CDC20B: variants seen among roughly 807,000 people sequenced by gnomAD.
The protein encoded by CDC20B is cell division cycle 20B, also known as cell division cycle protein 20 homolog B.
CDC20B carries 58 observed loss-of-function variants against 64.1 expected under a neutral mutation model. That is an observed-to-expected ratio of 0.90 (90% CI 0.73 to 1.13). The LOEUF (loss-of-function observed/expected upper bound fraction) is 1.13. Ranked by LOEUF, CDC20B falls within the 50% of genes most tolerant of loss-of-function variation. The probability of loss-of-function intolerance (pLI) is 0.00; values close to 1 mark genes in which losing one functional copy is unlikely to be tolerated. For missense variants in CDC20B, 597 were observed against 633.0 expected, an observed-to-expected ratio of 0.94 and a Z score of 0.61; for synonymous variants, 243 against 230.6, an observed-to-expected ratio of 1.05 and a Z score of -0.49.
intron 11 of CDC20B, among the ~76,000 whole-genome samples, 199 bp downstream of exon 11, chr5:55,119,602 A>G (rs1159229251): frequency 6.6e-6 from 1 of 152,216 alleles, no homozygotes; most frequent in Non-Finnish European, 1.5e-5. Flanking sequence ...CTTAATTTAA[A>G]GTGATGAACA....
chr5:55,163,497 C>A (rs919824496), intron 2 of CDC20B, among the ~76,000 whole-genome samples: 1 of 151,934 alleles, frequency 6.6e-6, no homozygotes, highest in Non-Finnish European at 1.5e-5. Flanking sequence ...AACTTTGCTT[C>A]ATTTTTTTTG....
intron 2 of CDC20B, among the ~76,000 whole-genome samples, chr5:55,154,190 G>C (rs979095085): frequency 6.6e-6 from 1 of 152,136 alleles, no homozygotes; most frequent in Non-Finnish European, 1.5e-5. Context: ...ACATCCAAGG[G>C]TGGAAACCTG....
chr5:55,116,611 C>T (rs979300638), intron 11 of CDC20B, among the ~76,000 whole-genome samples: 4 of 152,148 alleles, frequency 2.6e-5, no homozygotes, highest in Admixed American at 2.6e-4. Context: ...CCATGTCTGG[C>T]TAATTTTTGT....
rs70989702 is a variant in CDC20B at position 55,172,749 on chromosome 5, CTTTTTTTTTT to C, written c.64-109_64-100del. The C allele has an allele frequency of 5.7e-3, 3,004 of 531,206 alleles. 3 individuals are homozygous for C. Among genetic ancestry groups the C allele is most frequent in the Admixed American group, 6.8e-3 (177 of 26,108 alleles). The allele number at this position is 531,206 out of a possible 1,614,324, so 32.9% of individuals were successfully genotyped here. On this transcript the variant is annotated intron_variant, in intron 1 of 11. Coordinates refer to ENST00000381375, the MANE Select transcript of CDC20B (RefSeq NM_001170402.1). The stretch of plus-strand genomic sequence containing the variant: ...TAGATCTTGTGCTTGTCAGATTACA[CTTTTTTTTTT>C]TTTTTTTTTTTTTTTTGGCAACTAG...
In CDC20B at chr5:55,119,864, T is replaced by C; in HGVS notation, c.1396A>G (p.Thr466Ala). The change falls in exon 11 of 12, where the codon ACT becomes GCT. Residue 466 changes from threonine to alanine, a missense_variant. Coordinates refer to ENST00000381375, the MANE Select transcript of CDC20B (RefSeq NM_001170402.1). ...KTKEIATGQG[T>A]PKNDVTVWTC... ...CACACAGTCACATCATTCTTGGGAG[T>C]ACCTTGACCAGTTGCAATCTCCTTT... is the stretch of plus-strand genomic sequence containing the variant. 1 of 1,614,054 alleles carries C rather than the reference T, an allele frequency of 6.2e-7. No homozygotes were observed. The highest frequency in any genetic ancestry group is 1.3e-5 in the African/African-American group (1 of 75,030).
intron 2 of CDC20B, among the ~76,000 whole-genome samples, chr5:55,149,593 A>G (rs1332479345): frequency 2.0e-5 from 3 of 152,236 alleles, no homozygotes; most frequent in African/African-American, 4.8e-5. Flanking sequence ...GCTAAGTGAA[A>G]GAAGCCAGAC....
In CDC20B at chr5:55,146,618, G is replaced by C; in HGVS notation, c.355+10C>G. On this transcript the variant is annotated intron_variant, in intron 3 of 11. Transcript: ENST00000381375. ...TGCAAAACGGGGCTGTGGCGTTTGG[G>C]GCACCTCACCTAGAGTCAAGGTCTC... The C allele has an allele frequency of 6.2e-7, 1 of 1,604,822 alleles. No individual in the cohort carries two copies. Among genetic ancestry groups the C allele is most frequent in the Middle Eastern group, 1.7e-4 (1 of 5,980 alleles).
chr5:55,134,436 TA>T (rs939592740), intron 5 of CDC20B, among the ~76,000 whole-genome samples: 7 of 149,820 alleles, frequency 4.7e-5, no homozygotes, highest in Admixed American at 1.3e-4. Context: ...TCAACAAGGT[TA>T]AAAAAAAAAT....
intron 6 of CDC20B, among the ~76,000 whole-genome samples, chr5:55,129,129 T>C (rs1031508725): frequency 6.6e-6 from 1 of 152,152 alleles, no homozygotes; most frequent in Non-Finnish European, 1.5e-5. Flanking sequence ...AGAAAACATA[T>C]TTGTATGACC....
At chr5:55,151,416 C>T (rs1020407192) in intron 2 of CDC20B, among the ~76,000 whole-genome samples, 5 of 152,174 alleles carry the variant, frequency 3.3e-5, no homozygotes, top group South Asian at 4.1e-4. Flanking sequence ...GAGGAGACAC[C>T]GCATTGGAAG....
chr5:55,143,481 G>A, intron 4 of CDC20B, 32 bp downstream of exon 4: 1 of 1,551,852 alleles, frequency 6.4e-7, no homozygotes, highest in Non-Finnish European at 8.7e-7. Context: ...TTCTCTAGAT[G>A]TGGGATCTTC....
chr5:55,119,154 G>T (rs1183115611), intron 11 of CDC20B, among the ~76,000 whole-genome samples: 1 of 152,168 alleles, frequency 6.6e-6, no homozygotes, highest in Non-Finnish European at 1.5e-5. Flanking sequence ...TTGGATGCCG[G>T]TGCCCTGTTC....
chr5:55,135,953 T>A (rs1213527842), intron 5 of CDC20B: 1 of 151,768 alleles, frequency 6.6e-6, no homozygotes, highest in African/African-American at 2.4e-5. Flanking sequence ...AAAAAATATT[T>A]TTTTTTTTGA....
chr5:55,130,783 T>G (rs370744513), intron 6 of CDC20B, among the ~76,000 whole-genome samples: 9 of 152,316 alleles, frequency 5.9e-5, no homozygotes, highest in African/African-American at 2.2e-4. Flanking sequence ...TTTTTAAATT[T>G]TAAAACGTTT....
chr5:55,151,028 G>C (rs1227265183), intron 2 of CDC20B, among the ~76,000 whole-genome samples: 1 of 152,150 alleles, frequency 6.6e-6, no homozygotes, highest in Non-Finnish European at 1.5e-5. Flanking sequence ...TTACAAGTAT[G>C]AGGCCCCTCA....
At position 55,124,880 on chromosome 5, in the gene CDC20B, T is replaced by C. The variant is rs372325740; in HGVS notation, c.1138A>G (p.Thr380Ala). The C allele has an allele frequency of 3.1e-6, 5 of 1,614,182 alleles. No homozygotes were observed. The highest frequency in any genetic ancestry group is 4.2e-6 in the Non-Finnish European group (5 of 1,180,018). The change falls in exon 9 of 12, where the codon ACA becomes GCA. Residue 380 changes from threonine (T) to alanine (A), a missense_variant. This residue lies in a region of CDC20B where 353 missense variants were observed against 397.0 expected (regional missense o/e 0.89). Coordinates refer to ENST00000381375, the MANE Select transcript of CDC20B (RefSeq NM_001170402.1). ...GCACCTGGATCGTGGGGCCATATTG[T>C]CAGCAGTCCATCACTGCAGCCGCTG... Reference protein sequence around the residue: ...LSSGCSDGLLTIWPHDPGASA... With the variant: ...LSSGCSDGLLAIWPHDPGASA...
In CDC20B at chr5:55,113,706, A is replaced by T. The variant is rs1742558149; in HGVS notation, c.*512T>A. 3.9e-5 allele frequency: 6 copies of T among 152,814 alleles called. No homozygotes were observed. Among genetic ancestry groups the T allele is most frequent in the Admixed American group, 2.6e-4 (4 of 15,348 alleles). 9.5% of individuals were successfully genotyped at this position (152,814 alleles called of 1,614,324 possible). Reference sequence around the variant, plus strand: ...AGGGATTCCTACAGAACTGATTTTTAGAGAGAGCAATATGCATGCTTAACA... The same window carrying T: ...AGGGATTCCTACAGAACTGATTTTTTGAGAGAGCAATATGCATGCTTAACA... On this transcript the variant is annotated 3_prime_UTR_variant, in exon 12 of 12. Coordinates refer to ENST00000381375, the MANE Select transcript of CDC20B (RefSeq NM_001170402.1).
intron 2 of CDC20B, among the ~76,000 whole-genome samples, chr5:55,148,673 G>A (rs336090): frequency 0.14 from 21,262 of 152,172 alleles, 1,731 homozygotes; most frequent in South Asian, 0.25. Flanking sequence ...ACTCCAGCCT[G>A]GGCGACAAAG....
At chr5:55,164,555 A>T (rs572402446) in intron 2 of CDC20B, 1 of 161,430 alleles carries the variant, frequency 6.2e-6, no homozygotes, top group African/African-American at 2.4e-5. Context: ...ATACACAGTG[A>T]CCAATGTGCC....
Sources: gnomAD v4.1 joint callset for allele counts (sites outside exome capture counted in the v4.1 genomes callset) on GRCh38, gnomAD v4.1.1 for gene constraint, gnomAD v4.1.1 regional missense constraint, MANE v1.5 for transcripts, NCBI Gene and HGNC (gene_info 2026-07-23, HGNC 2026-07-21) for gene names.